The following PRKN variants were observed in gnomAD, a reference collection of about 807,000 sequenced individuals.
The protein encoded by PRKN is E3 ubiquitin-protein ligase parkin.
Under a neutral mutation model 59.5 loss-of-function variants are expected in PRKN, and 56 were observed. The ratio of observed to expected loss-of-function variants is 0.94; its 90% confidence interval spans 0.76 to 1.18. PRKN has a LOEUF of 1.18. Among genes scored for constraint, PRKN ranks in the 50% most tolerant of loss-of-function variants. The probability of loss-of-function intolerance (pLI) is 0.00; values close to 1 mark genes in which losing one functional copy is unlikely to be tolerated. For synonymous variants in PRKN, 250 were observed against 222.1 expected (o/e 1.13, Z -1.12); for missense variants, 657 against 596.4 (o/e 1.10, Z -1.06).
intron 6 of PRKN, among the ~76,000 whole-genome samples, chr6:161,908,389 G>A (rs1358811180): frequency 6.6e-6 from 1 of 152,096 alleles, no homozygotes. Context: ...CTGCCAGATT[G>A]CCAGTTACTT....
chr6:162,093,346 T>G (rs1258832258), intron 4 of PRKN, among the ~76,000 whole-genome samples: 1 of 152,188 alleles, frequency 6.6e-6, no homozygotes, highest in African/African-American at 2.4e-5. Flanking sequence ...AGCATCACGC[T>G]CCTCATGGGG....
At chr6:162,116,470 T>C (rs1780677400) in intron 4 of PRKN, among the ~76,000 whole-genome samples, 1 of 152,226 alleles carries the variant, frequency 6.6e-6, no homozygotes. Context: ...AGAAGATGGC[T>C]GAGCCCTGGC....
chr6:161,750,881 A>T (rs1788663638), intron 7 of PRKN, among the ~76,000 whole-genome samples: 1 of 152,126 alleles, frequency 6.6e-6, no homozygotes, highest in Non-Finnish European at 1.5e-5. Context: ...TAGGTACAAC[A>T]AATATATAAT....
Position 161,538,638 on chromosome 6 carries a change from C to A in PRKN, c.1083+10216G>T, listed in dbSNP as rs1779508968. On this transcript the variant is annotated intron_variant, in intron 9 of 11. Coordinates refer to ENST00000366898, the MANE Select transcript of PRKN (RefSeq NM_004562.3). The surrounding 1 kb of genome is among the most constrained non-coding windows in gnomAD (Gnocchi z 4.2). ...AGAATCCTGGGGCCCACTGAGATGC[C>A]AAGCGGAGAAGGAGGAAAAATGGCT... is the stretch of plus-strand genomic sequence containing the variant. Among the ~76,000 whole-genome samples, 1 of 152,072 alleles carries A rather than the reference C, an allele frequency of 6.6e-6. No homozygotes were observed. Among genetic ancestry groups the A allele is most frequent in the Non-Finnish European group, 1.5e-5 (1 of 68,016 alleles).
At chr6:162,579,055 C>T (rs982308828) in intron 1 of PRKN, among the ~76,000 whole-genome samples, 1 of 152,036 alleles carries the variant, frequency 6.6e-6, no homozygotes, top group African/African-American at 2.4e-5. Context: ...ACCAATTTTT[C>T]CTATCTTTTA....
In PRKN at chr6:161,398,009, C is replaced by G. The variant is rs139303664; in HGVS notation, c.1084-11132G>C. On this transcript the variant is annotated intron_variant, in intron 9 of 11. Transcript: ENST00000366898. ...AAAAGAGAGAGAATGAAGACGCTAGCCAGAGAGGGGGCAGGATGGGAGTGA... is the reference window on the plus strand; with the variant it reads ...AAAAGAGAGAGAATGAAGACGCTAGGCAGAGAGGGGGCAGGATGGGAGTGA... Among the ~76,000 whole-genome samples, 1,330 of 152,124 alleles carry G rather than the reference C, an allele frequency of 8.7e-3. 9 individuals are homozygous for G. Among genetic ancestry groups the G allele is most frequent in the Middle Eastern group, 0.02 (6 of 294 alleles).
intron 1 of PRKN, among the ~76,000 whole-genome samples, chr6:162,463,725 T>A (rs1562783830): frequency 6.6e-6 from 1 of 152,178 alleles, no homozygotes; most frequent in Admixed American, 6.5e-5. Context: ...TTCACAAGTG[T>A]GTGCTGTTAA....
At chr6:162,251,670 T>G (rs993938801) in intron 3 of PRKN, among the ~76,000 whole-genome samples, 4 of 152,230 alleles carry the variant, frequency 2.6e-5, no homozygotes, top group Non-Finnish European at 5.9e-5. Flanking sequence ...CATCTGCATT[T>G]TAATATTCTT....
chr6:161,458,563 A>G lies in PRKN; in HGVS notation c.1084-71686T>C, dbSNP rs1790073900. ...AAAACATCAATTATTTCCTTCCTAC[A>G]TTTAAATGAACTATGATTACCCTTG... On this transcript the variant is annotated intron_variant, in intron 9 of 11. Coordinates refer to ENST00000366898, the MANE Select transcript of PRKN (RefSeq NM_004562.3). The surrounding 1 kb of genome is among the most constrained non-coding windows in gnomAD (Gnocchi z 6.1). Among the ~76,000 whole-genome samples the G allele has an allele frequency of 1.3e-5, 2 of 152,226 alleles. No homozygotes were observed.
At chr6:162,191,587 C>A (rs1453374670) in intron 4 of PRKN, among the ~76,000 whole-genome samples, 2 of 152,112 alleles carry the variant, frequency 1.3e-5, no homozygotes, top group Non-Finnish European at 2.9e-5. Flanking sequence ...GGATTATAGG[C>A]ACATGCCACC....
intron 1 of PRKN, chr6:162,569,526 G>C (rs1780223223): frequency 1.4e-6 from 1 of 710,074 alleles, no homozygotes; most frequent in African/African-American, 1.7e-5. Flanking sequence ...AAGACCACCA[G>C]CGCCTATGCA....
intron 5 of PRKN, among the ~76,000 whole-genome samples, chr6:162,005,594 T>C (rs987289008): frequency 6.6e-6 from 1 of 152,140 alleles, no homozygotes; most frequent in Non-Finnish European, 1.5e-5. Flanking sequence ...ATTTGTGTTC[T>C]TGCTTGAGTG....
Position 161,503,967 on chromosome 6 carries a change from A to G in PRKN, c.1083+44887T>C, listed in dbSNP as rs1407575473. Among the ~76,000 whole-genome samples the G allele has an allele frequency of 6.6e-6, 1 of 152,180 alleles. No individual in the cohort carries two copies. The highest frequency in any genetic ancestry group is 1.5e-5 in the Non-Finnish European group (1 of 68,034). On this transcript the variant is annotated intron_variant, in intron 9 of 11. Transcript: ENST00000366898. The surrounding 1 kb of genome is among the most constrained non-coding windows in gnomAD (Gnocchi z 5.1). ...TCTGTGGTCAACCTAATTCTTTGCT[A>G]TATCCATGATCTGGATTTTCAGCCT...
At chr6:162,207,548 C>T (rs1415582214) in intron 3 of PRKN, among the ~76,000 whole-genome samples, 1 of 152,152 alleles carries the variant, frequency 6.6e-6, no homozygotes, top group Non-Finnish European at 1.5e-5. Context: ...CCAACCGATT[C>T]ACTTGACCGT....
In PRKN at chr6:161,359,949, G is replaced by A. The variant is rs763354380; in HGVS notation, c.1285+139C>T. On this transcript the variant is annotated intron_variant, in intron 11 of 11. Coordinates refer to ENST00000366898, the MANE Select transcript of PRKN (RefSeq NM_004562.3). The surrounding 1 kb of genome is among the most constrained non-coding windows in gnomAD (Gnocchi z 5.4). Reference sequence around the variant, plus strand: ...CAAAAACAATAATAATAGTGATAATGGGTAACATTAATCGAGGGGTTACCC... The same window carrying A: ...CAAAAACAATAATAATAGTGATAATAGGTAACATTAATCGAGGGGTTACCC... The A allele has an allele frequency of 2.7e-6, 2 of 742,682 alleles. No individual in the cohort carries two copies. The highest frequency in any genetic ancestry group is 4.9e-6 in the Non-Finnish European group (2 of 405,800). The allele number at this position is 742,682 out of a possible 1,614,324, so 46.0% of individuals were successfully genotyped here.
chr6:162,555,170 G>A (rs1333586083), intron 1 of PRKN, among the ~76,000 whole-genome samples: 1 of 151,986 alleles, frequency 6.6e-6, no homozygotes, highest in Non-Finnish European at 1.5e-5. Context: ...TATATATGGA[G>A]GCATTTATAC....
chr6:161,990,152 A>G (rs995518430), intron 5 of PRKN, among the ~76,000 whole-genome samples: 1 of 152,088 alleles, frequency 6.6e-6, no homozygotes, highest in Non-Finnish European at 1.5e-5. Context: ...TGGCATACCC[A>G]AACCACTGGT....
At position 161,533,132 on chromosome 6, in the gene PRKN, CTAAA is replaced by C. The variant is rs113300838; in HGVS notation, c.1083+15718_1083+15721del. ...CAGAGAGTGGTTATGAATTCAATTTCTAAATAATCTCTAAAATAAAAGAATGATC... is the reference window on the plus strand; with the variant it reads ...CAGAGAGTGGTTATGAATTCAATTTCTAATCTCTAAAATAAAAGAATGATC... On this transcript the variant is annotated intron_variant, in intron 9 of 11. Coordinates refer to ENST00000366898, the MANE Select transcript of PRKN (RefSeq NM_004562.3). The surrounding 1 kb of genome is among the most constrained non-coding windows in gnomAD (Gnocchi z 4.1). Among the ~76,000 whole-genome samples, 2,700 of 152,198 alleles carry C rather than the reference CTAAA, an allele frequency of 0.018. 72 individuals carry two copies. The highest frequency in any genetic ancestry group is 0.062 in the African/African-American group (2,580 of 41,508).
chr6:162,648,728 C>T (rs1398915743), intron 1 of PRKN, among the ~76,000 whole-genome samples: 1 of 152,110 alleles, frequency 6.6e-6, no homozygotes, highest in Admixed American at 6.5e-5. Context: ...TGAGTAAGCT[C>T]CTTTTACCAA....
Sources: allele counts gnomAD v4.1 joint callset (sites outside exome capture counted in the v4.1 genomes callset), GRCh38; gene constraint gnomAD v4.1.1; non-coding constraint Gnocchi (gnomAD v3.1); transcripts MANE v1.5; gene names NCBI Gene and HGNC (gene_info 2026-07-23, HGNC 2026-07-21).